Variants in PLGRKT observed in about 807,000 individuals in gnomAD.
PLGRKT encodes the protein plasminogen receptor with a C-terminal lysine.
Under a neutral mutation model 18.5 loss-of-function variants are expected in PLGRKT, and 22 were observed. The observed-to-expected ratio is 1.19, with a 90% CI of 0.85 to 1.70. PLGRKT has a LOEUF of 1.70. PLGRKT is among the 40% of genes most tolerant of loss of function. The pLI is 0.00. For missense variants in PLGRKT, 235 were observed against 174.4 expected, an observed-to-expected ratio of 1.35 and a Z score of -1.96; for synonymous variants, 72 against 52.8, an observed-to-expected ratio of 1.36 and a Z score of -1.58.
chr9:5,400,702 C>A (rs1818137997), intron 3 of PLGRKT, among the ~76,000 whole-genome samples: 2 of 151,922 alleles, frequency 1.3e-5, no homozygotes, highest in South Asian at 2.1e-4. Context: ...TTATATCCTC[C>A]TTGAATAGTA....
chr9:5,389,310 G>C (rs910244837), intron 3 of PLGRKT, among the ~76,000 whole-genome samples: 2 of 151,914 alleles, frequency 1.3e-5, no homozygotes, highest in African/African-American at 4.9e-5. Flanking sequence ...GGTTGTCAGT[G>C]CCTGGCATGA....
At chr9:5,432,284 T>C (rs1818842580) in intron 2 of PLGRKT, among the ~76,000 whole-genome samples, 1 of 152,144 alleles carries the variant, frequency 6.6e-6, no homozygotes, top group South Asian at 2.1e-4. Context: ...CCACCATAAA[T>C]CTTGAAGAAC....
At chr9:5,372,557 C>T (rs1033076252) in intron 3 of PLGRKT, among the ~76,000 whole-genome samples, 1 of 152,198 alleles carries the variant, frequency 6.6e-6, no homozygotes, top group Admixed American at 6.5e-5. Context: ...GAGAAATGTT[C>T]AGCCAGAACG....
At chr9:5,421,673 C>G (rs1818577866) in intron 3 of PLGRKT, among the ~76,000 whole-genome samples, 1 of 152,304 alleles carries the variant, frequency 6.6e-6, no homozygotes, top group East Asian at 1.9e-4. Context: ...GTGCTAAATT[C>G]TTGTATGTGG....
intron 2 of PLGRKT, among the ~76,000 whole-genome samples, chr9:5,434,172 C>G (rs1005656467): frequency 6.7e-6 from 1 of 149,740 alleles, no homozygotes; most frequent in African/African-American, 2.5e-5. Context: ...AGGAGCGCCT[C>G]TGCCCGGCCG....
At chr9:5,380,587 C>A (rs913721502) in intron 3 of PLGRKT, among the ~76,000 whole-genome samples, 1 of 152,098 alleles carries the variant, frequency 6.6e-6, no homozygotes, top group Non-Finnish European at 1.5e-5. Flanking sequence ...ACCCCCTAAA[C>A]ACCCTTTTCC....
intron 3 of PLGRKT, among the ~76,000 whole-genome samples, chr9:5,402,034 G>A (rs1818165365): frequency 6.6e-6 from 1 of 151,820 alleles, no homozygotes; most frequent in South Asian, 2.1e-4. Flanking sequence ...GGTATGTAAA[G>A]CAGTTTGAGA....
intron 3 of PLGRKT, among the ~76,000 whole-genome samples, chr9:5,383,679 A>G (rs1013712795): frequency 2.6e-5 from 4 of 152,196 alleles, no homozygotes; most frequent in East Asian, 3.9e-4. Flanking sequence ...GGAGCATGCA[A>G]CCTACATCCC....
intron 5 of PLGRKT, among the ~76,000 whole-genome samples, chr9:5,358,707 T>C (rs1008418570): frequency 2.6e-5 from 4 of 152,218 alleles, no homozygotes; most frequent in African/African-American, 9.6e-5. Flanking sequence ...TTTCCCATTG[T>C]CCTTTAATAT....
chr9:5,426,646 A>T (rs1020458882), intron 3 of PLGRKT, among the ~76,000 whole-genome samples: 3 of 152,230 alleles, frequency 2.0e-5, no homozygotes, highest in African/African-American at 7.2e-5. Context: ...TAGGAGAATC[A>T]ATCCACCATG....
chr9:5,376,089 A>C (rs1817621736), intron 3 of PLGRKT, among the ~76,000 whole-genome samples: 1 of 152,266 alleles, frequency 6.6e-6, no homozygotes, highest in Non-Finnish European at 1.5e-5. Flanking sequence ...TAAGTGAAAC[A>C]AACAATCACA....
rs71326159 is a variant in PLGRKT at position 5,380,370 on chromosome 9, T to TA, written c.82-18483dup. Among the ~76,000 whole-genome samples the TA allele has an allele frequency of 3.0e-3, 390 of 129,326 alleles. 1 individual carries two copies. Among genetic ancestry groups the TA allele is most frequent in the East Asian group, 7.5e-3 (33 of 4,426 alleles). 84.8% of individuals were successfully genotyped at this position (129,326 alleles called of 152,430 possible). A position where few individuals can be genotyped will look rare whatever the true frequency, so the allele number is the denominator to read the frequency against. On this transcript the variant is annotated intron_variant, in intron 3 of 5. Coordinates refer to ENST00000223864, the MANE Select transcript of PLGRKT (RefSeq NM_018465.4). ...CCAAACAGCGAGACTCTGTCTCAATTAAAAAAAAAAAAAAAAAAAGAATAA... is the reference window on the plus strand; with the variant it reads ...CCAAACAGCGAGACTCTGTCTCAATTAAAAAAAAAAAAAAAAAAAAGAATAA...
intron 3 of PLGRKT, among the ~76,000 whole-genome samples, chr9:5,372,862 C>T (rs1817549139): frequency 6.6e-6 from 1 of 152,142 alleles, no homozygotes; most frequent in South Asian, 2.1e-4. Context: ...CTAGTATTAC[C>T]TGCCACTGAA....
At position 5,418,094 on chromosome 9, in the gene PLGRKT, G is replaced by A. The variant is rs1344861703; in HGVS notation, c.81+13803C>T. On this transcript the variant is annotated intron_variant, in intron 3 of 5. Coordinates refer to ENST00000223864, the MANE Select transcript of PLGRKT (RefSeq NM_018465.4). This position sits in a 1 kb window ranked among gnomAD's most constrained non-coding sequence, Gnocchi z 4.2. ...CTCGTAACGTGATTTTGAAAAATCA[G>A]AAATTACAGTCCATTGAATACATGA... is the stretch of plus-strand genomic sequence containing the variant. Among the ~76,000 whole-genome samples the A allele has an allele frequency of 6.6e-6, 1 of 152,152 alleles. No individual in the cohort carries two copies. The highest frequency in any genetic ancestry group is 2.4e-5 in the African/African-American group (1 of 41,428).
intron 3 of PLGRKT, among the ~76,000 whole-genome samples, chr9:5,430,524 G>T (rs896223445): frequency 6.6e-6 from 1 of 152,208 alleles, no homozygotes; most frequent in Non-Finnish European, 1.5e-5. Context: ...TTTATGAGGT[G>T]AGAAGCATTT....
At chr9:5,367,032 C>CACAT (rs953183848) in intron 3 of PLGRKT, among the ~76,000 whole-genome samples, 2 of 76,960 alleles carry the variant, frequency 2.6e-5, no homozygotes, top group Non-Finnish European at 7.1e-5. Flanking sequence ...CACACACATA[C>CACAT]ACACACACAC....
rs541227293 is a variant in PLGRKT, at chr9:5,369,066, A to T, written c.82-7178T>A. 1.2e-4 allele frequency among the ~76,000 whole-genome samples: 18 copies of T among 152,314 alleles called. No individual in the cohort carries two copies. In the South Asian group the frequency reaches 3.7e-3, roughly 32 times the overall value. ...GCATGGGCAAGGACTTCATGACTAA[A>T]ACACCAAAAGCAATAGCAACAAAAG... On this transcript the variant is annotated intron_variant, in intron 3 of 5. Transcript: ENST00000223864.
At chr9:5,409,541 A>C (rs959892903) in intron 3 of PLGRKT, among the ~76,000 whole-genome samples, 1 of 152,154 alleles carries the variant, frequency 6.6e-6, no homozygotes, top group Non-Finnish European at 1.5e-5. Context: ...TCCCCTTTAT[A>C]TATATACCCA....
intron 3 of PLGRKT, among the ~76,000 whole-genome samples, chr9:5,404,764 G>A (rs10815206): frequency 0.23 from 35,316 of 152,090 alleles, 4,506 homozygotes; most frequent in Non-Finnish European, 0.29. Context: ...CATAGTGTTG[G>A]AAGTCCTAGC....
Sources: allele counts gnomAD v4.1 joint callset (sites outside exome capture counted in the v4.1 genomes callset), GRCh38; gene constraint gnomAD v4.1.1; non-coding constraint Gnocchi (gnomAD v3.1); transcripts MANE v1.5; gene names NCBI Gene and HGNC (gene_info 2026-07-23, HGNC 2026-07-21).